Variants in RAD51 observed in about 807,000 individuals in gnomAD.
RAD51 encodes the protein RAD51 recombinase, also known as DNA repair protein RAD51 homolog 1.
Under a neutral mutation model 41.5 loss-of-function variants are expected in RAD51, and 14 were observed. That is an observed-to-expected ratio of 0.34 (90% CI 0.22 to 0.53). The LOEUF (loss-of-function observed/expected upper bound fraction) is 0.53, where lower values mean the gene tolerates loss of function less well. Ranked by LOEUF, RAD51 falls within the 20% of genes least tolerant of loss-of-function variation. The pLI is 0.95. For missense variants in RAD51, 234 were observed against 422.0 expected, an observed-to-expected ratio of 0.55 and a Z score of 3.90; for synonymous variants, 136 against 148.6, an observed-to-expected ratio of 0.92 and a Z score of 0.62.
At chr15:40,713,489 C>T (rs541186584) in intron 5 of RAD51, among the ~76,000 whole-genome samples, 16 of 151,642 alleles carry the variant, frequency 1.1e-4, no homozygotes, top group East Asian at 1.9e-4. Flanking sequence ...GTGATCCACC[C>T]GCCTCAGCCT....
rs1896856570 is a variant in RAD51 at position 40,731,062 on chromosome 15, C to T, written c.904C>T (p.Leu302=). ...TCTGTGTCTTTGGGTCAGATTGTAT[C>T]TGAGGAAAGGAAGAGGGGAAACCAG... The part of the protein sequence containing the change: ...IAHASTTRLY[L]RKGRGETRIC... The change falls in exon 10 of 10, where the codon CTG becomes TTG. Residue 302 remains leucine, a synonymous_variant. Coordinates refer to ENST00000267868, the MANE Select transcript of RAD51 (RefSeq NM_002875.5). The T allele has an allele frequency of 6.2e-7, 1 of 1,614,006 alleles. No homozygotes were observed. The highest frequency in any genetic ancestry group is 8.5e-7 in the Non-Finnish European group (1 of 1,179,976).
intron 1 of RAD51, among the ~76,000 whole-genome samples, chr15:40,696,500 T>C (rs781549166): frequency 6.6e-6 from 1 of 151,912 alleles, no homozygotes; most frequent in African/African-American, 2.4e-5. Context: ...GCCTGGGAGG[T>C]ATAAGCTGCA....
rs560397048 is a variant in RAD51 at position 40,724,044 on chromosome 15, C to T, written c.531-4667C>T. ...CCTAAATGAGGAGAATATTCTCTCT[C>T]GTTTTATAATCGAATTATCTTTCCC... is the stretch of plus-strand genomic sequence containing the variant. On this transcript the variant is annotated intron_variant, in intron 6 of 9. Transcript: ENST00000267868. 3.9e-5 allele frequency among the ~76,000 whole-genome samples: 6 copies of T among 152,222 alleles called. No individual in the cohort carries two copies. The South Asian group carries it at 6.2e-4, about 16-fold the overall frequency.
At chr15:40,712,651 C>T (rs1478979076) in intron 5 of RAD51, among the ~76,000 whole-genome samples, 2 of 152,140 alleles carry the variant, frequency 1.3e-5, no homozygotes, top group African/African-American at 2.4e-5. Flanking sequence ...ACCAACTCTT[C>T]TGTTATAATC....
intron 1 of RAD51, among the ~76,000 whole-genome samples, chr15:40,696,354 G>A (rs1388331061): frequency 3.9e-5 from 6 of 151,976 alleles, no homozygotes; most frequent in Non-Finnish European, 5.9e-5. Flanking sequence ...GCGGGAGGAC[G>A]ATTGAGCCCA....
intron 3 of RAD51, among the ~76,000 whole-genome samples, chr15:40,704,068 A>ATTTAT (rs777432500): frequency 8.6e-5 from 13 of 150,908 alleles, no homozygotes; most frequent in African/African-American, 1.2e-4. Context: ...ATGCCCTGCT[A>ATTTAT]TTTATTTTAT....
rs368879124 is a variant in RAD51, at chr15:40,730,183, A to T, written c.896+209A>T. On this transcript the variant is annotated intron_variant, in intron 9 of 9. Transcript: ENST00000267868. ...AACCCACAAGTGTGGAAGAATGAATATGAGTAATTGATATGCCTCTCCCCT... is the reference window on the plus strand; with the variant it reads ...AACCCACAAGTGTGGAAGAATGAATTTGAGTAATTGATATGCCTCTCCCCT... 1.1e-4 allele frequency among the ~76,000 whole-genome samples: 16 copies of T among 152,332 alleles called. No homozygotes were observed. The South Asian group carries it at 3.3e-3, about 32-fold the overall frequency.
chr15:40,713,923 T>A (rs1486900455), intron 5 of RAD51, among the ~76,000 whole-genome samples: 1 of 151,744 alleles, frequency 6.6e-6, no homozygotes, highest in Non-Finnish European at 1.5e-5. Flanking sequence ...ATATGTCTTA[T>A]GAGACAGCCA....
Position 40,708,356 on chromosome 15 carries a change from TAGCTGGGATTAC to T in RAD51, c.344-666_344-655del, listed in dbSNP as rs367720461. On this transcript the variant is annotated intron_variant, in intron 4 of 9. Coordinates refer to ENST00000267868, the MANE Select transcript of RAD51 (RefSeq NM_002875.5). ...TGATTCTCCTGCTTCAGCCTGCTAGTAGCTGGGATTACAGGTGCCCATCACCAGTTCCAGCTA... is the reference window on the plus strand; with the variant it reads ...TGATTCTCCTGCTTCAGCCTGCTAGTAGGTGCCCATCACCAGTTCCAGCTA... Among the ~76,000 whole-genome samples, 237 of 151,408 alleles carry T rather than the reference TAGCTGGGATTAC, an allele frequency of 1.6e-3. 1 individual carries two copies. The highest frequency in any genetic ancestry group is 3.4e-3 in the Middle Eastern group (1 of 294).
At chr15:40,730,904 G>A (rs1896847339) in intron 9 of RAD51, 151 bp from the exon 10 acceptor site, 1 of 996,678 alleles carries the variant, frequency 1.0e-6, no homozygotes, top group Non-Finnish European at 1.5e-6. Flanking sequence ...CTGCCAGGTT[G>A]GAAATGCACT....
At chr15:40,700,922 T>TCCC in intron 2 of RAD51, 142 bp from the exon 3 acceptor site, 1 of 754,242 alleles carries the variant, frequency 1.3e-6, no homozygotes, top group South Asian at 1.7e-5. Context: ...ACTTCCCATC[T>TCCC]CCCCCCGCCC....
intron 3 of RAD51, among the ~76,000 whole-genome samples, chr15:40,702,522 T>G (rs938907311): frequency 6.6e-5 from 10 of 150,712 alleles, no homozygotes; most frequent in Non-Finnish European, 3.0e-5. Context: ...TTGTTTTCTG[T>G]TTTTTTTTGA....
intron 4 of RAD51, 53 bp from the exon 5 acceptor site, chr15:40,708,972 C>G: frequency 7.1e-7 from 1 of 1,415,264 alleles, no homozygotes; most frequent in South Asian, 1.2e-5. Context: ...TCTATGACTA[C>G]AGTTTCTACA....
At chr15:40,730,232 G>C (rs2141884344) in intron 9 of RAD51, among the ~76,000 whole-genome samples, 1 of 152,228 alleles carries the variant, frequency 6.6e-6, no homozygotes, top group East Asian at 1.9e-4. Flanking sequence ...TGTTTGGGCT[G>C]GGCACAGTGG....
chr15:40,707,150 ATTTTTTTTTTTTT>A (rs751900607), intron 4 of RAD51, among the ~76,000 whole-genome samples: 1 of 93,612 alleles, frequency 1.1e-5, no homozygotes, highest in African/African-American at 4.2e-5. Flanking sequence ...CACCTGGCTA[ATTTTTTTTTTTTT>A]TTTTTTTTTT....
rs1427093630 is a variant in RAD51, at chr15:40,701,165, T to G, written c.189T>G (p.Ile63Met). Reference protein sequence around the residue: ...AYAPKKELINIKGISEAKADK... With the variant: ...AYAPKKELINMKGISEAKADK... ...CGCCAAAGAAGGAGCTAATAAATAT[T>G]AAGGGAATTAGTGAAGCCAAAGCTG... The change falls in exon 3 of 10, where the codon ATT becomes ATG. Residue 63 changes from isoleucine to methionine, a missense_variant. Ile to Met is a conservative substitution (Grantham distance 10). Coordinates refer to ENST00000267868, the MANE Select transcript of RAD51 (RefSeq NM_002875.5). 3 of 1,614,162 alleles carry G rather than the reference T, an allele frequency of 1.9e-6. No individual in the cohort carries two copies. In the Admixed American group the frequency reaches 5.0e-5, roughly 27 times the overall value.
At chr15:40,707,858 C>T (rs911360951) in intron 4 of RAD51, among the ~76,000 whole-genome samples, 1 of 152,044 alleles carries the variant, frequency 6.6e-6, no homozygotes, top group Non-Finnish European at 1.5e-5. Flanking sequence ...GCTGCAATGA[C>T]AGGCACCCGC....
chr15:40,699,205 G>A (rs538937852), intron 2 of RAD51, among the ~76,000 whole-genome samples: 41 of 152,162 alleles, frequency 2.7e-4, no homozygotes, highest in Middle Eastern at 3.2e-3. Context: ...GTGCAATGGC[G>A]TGATCTCGGC....
intron 4 of RAD51, among the ~76,000 whole-genome samples, chr15:40,707,961 C>T (rs1474253147): frequency 6.6e-6 from 1 of 151,516 alleles, no homozygotes; most frequent in African/African-American, 2.4e-5. Flanking sequence ...CCTGATCCAT[C>T]CACCTCGGCC....
Sources: allele counts gnomAD v4.1 joint callset (sites outside exome capture counted in the v4.1 genomes callset), GRCh38; gene constraint gnomAD v4.1.1; transcripts MANE v1.5; gene names NCBI Gene and HGNC (gene_info 2026-07-23, HGNC 2026-07-21).